PLLP: variants seen among roughly 807,000 people sequenced by gnomAD.
PLLP encodes the protein plasma membrane proteolipid (plasmolipin).
PLLP carries 15 observed loss-of-function variants against 19.7 expected under a neutral mutation model. That is an observed-to-expected ratio of 0.76 (90% CI 0.51 to 1.17). The LOEUF (loss-of-function observed/expected upper bound fraction) is 1.17. Among genes scored for constraint, PLLP ranks in the 50% most tolerant of loss-of-function variants. The pLI, the probability that PLLP is intolerant of heterozygous loss-of-function variation, is 0.00. For missense variants in PLLP, 255 were observed against 258.3 expected, an observed-to-expected ratio of 0.99 and a Z score of 0.09; for synonymous variants, 111 against 116.3, an observed-to-expected ratio of 0.95 and a Z score of 0.29.
At chr16:57,282,216 C>CT (rs1313530817) in intron 1 of PLLP, among the ~76,000 whole-genome samples, 1 of 133,822 alleles carries the variant, frequency 7.5e-6, no homozygotes, top group South Asian at 2.8e-4. Context: ...TAGTCTCTTT[C>CT]TTTTTTCTTT....
In PLLP at chr16:57,284,578, C is replaced by T; in HGVS notation, c.-38G>A. 3.0e-6 allele frequency: 4 copies of T among 1,318,830 alleles called. No individual in the cohort carries two copies. The highest frequency in any genetic ancestry group is 2.9e-6 in the Non-Finnish European group (3 of 1,028,676). The allele number at this position is 1,318,830 out of a possible 1,614,324, so 81.7% of individuals were successfully genotyped here. On this transcript the variant is annotated 5_prime_UTR_variant, in exon 1 of 4. Coordinates refer to ENST00000219207, the MANE Select transcript of PLLP (RefSeq NM_015993.3). ...TGCCTCCCGAGGTCGCTACGGCCGC[C>T]GTCGCCGCCCCTCCAGCGGTGGGTG...
At chr16:57,283,108 C>G (rs7197160) in intron 1 of PLLP, among the ~76,000 whole-genome samples, 6 of 152,038 alleles carry the variant, frequency 3.9e-5, no homozygotes, top group African/African-American at 1.4e-4. Context: ...CCCCACCCCC[C>G]AAAAGAGAAA....
intron 1 of PLLP, among the ~76,000 whole-genome samples, chr16:57,280,673 T>A (rs1478149211): frequency 6.6e-6 from 1 of 152,194 alleles, no homozygotes; most frequent in East Asian, 1.9e-4. Flanking sequence ...CAACAAATAA[T>A]CAACAGCCTT....
chr16:57,261,967 G>A lies in PLLP; in HGVS notation c.239C>T (p.Thr80Ile). The stretch of plus-strand genomic sequence containing the variant: ...CAGGTAGAGGTTGAAGAGGACGATT[G>A]TCACCAGCCAGAGGAAGACAGCGAC... Reference protein sequence around the residue: ...MFVAVFLWLVTIVLFNLYLFQ... With the variant: ...MFVAVFLWLVIIVLFNLYLFQ... Residue 80 changes from threonine (T) to isoleucine (I), a missense_variant, in exon 2 of 4, where the codon ACA becomes ATA. Transcript: ENST00000219207. 1 of 1,614,136 alleles carries A rather than the reference G, an allele frequency of 6.2e-7. No individual in the cohort carries two copies. The highest frequency in any genetic ancestry group is 8.5e-7 in the Non-Finnish European group (1 of 1,180,004).
chr16:57,284,560 C>A lies in PLLP; in HGVS notation c.-20G>T. 7.5e-7 allele frequency: 1 copy of A among 1,334,920 alleles called. No individual in the cohort carries two copies. The highest frequency in any genetic ancestry group is 9.7e-7 in the Non-Finnish European group (1 of 1,035,856). 82.7% of individuals were successfully genotyped at this position (1,334,920 alleles called of 1,614,324 possible). A position where few individuals can be genotyped will look rare whatever the true frequency, so the allele number is the denominator to read the frequency against. On this transcript the variant is annotated 5_prime_UTR_variant, in exon 1 of 4. Transcript: ENST00000219207. ...GGCCATGGCGGCTCCGCTTGCCTCC[C>A]GAGGTCGCTACGGCCGCCGTCGCCG...
chr16:57,279,182 A>C (rs1901188234), intron 1 of PLLP, among the ~76,000 whole-genome samples: 2 of 152,250 alleles, frequency 1.3e-5, no homozygotes, highest in South Asian at 4.1e-4. Flanking sequence ...ACCATCTGAC[A>C]GACAAGGAAG....
Position 57,261,868 on chromosome 16 carries a change from C to A in PLLP, c.309+29G>T. The A allele has an allele frequency of 1.9e-6, 3 of 1,607,218 alleles. 1 individual carries two copies. Among genetic ancestry groups the A allele is most frequent in the South Asian group, 2.2e-5 (2 of 90,880 alleles). ...GAAAGTCACAGTGGTCCTGTCATAG[C>A]CACTTCCAGTACCCCCACCCAGACT... On this transcript the variant is annotated intron_variant, in intron 2 of 3. Coordinates refer to ENST00000219207, the MANE Select transcript of PLLP (RefSeq NM_015993.3).
rs778008224 is a variant in PLLP, at chr16:57,258,571, T to C, written c.323A>G (p.Asn108Ser). ...GATGTAGAGAACGGTGGCGCTGATG[T>C]TAAAGATCATTAACTGCAGGACATG... Reference protein sequence around the residue: ...VPWPLVLMIFNISATVLYITA... With the variant: ...VPWPLVLMIFSISATVLYITA... Residue 108 changes from asparagine (N) to serine (S), a missense_variant, in exon 3 of 4, where the codon AAC (asparagine) becomes AGC (serine). Physicochemically the swap from Asn to Ser is conservative, Grantham distance 46 (BLOSUM62 1). Coordinates refer to ENST00000219207, the MANE Select transcript of PLLP (RefSeq NM_015993.3). 1 of 1,612,896 alleles carries C rather than the reference T, an allele frequency of 6.2e-7. No homozygotes were observed. The highest frequency in any genetic ancestry group is 8.5e-7 in the Non-Finnish European group (1 of 1,179,862).
At chr16:57,268,457 C>T (rs1187247990) in intron 1 of PLLP, among the ~76,000 whole-genome samples, 2 of 152,166 alleles carry the variant, frequency 1.3e-5, no homozygotes, top group African/African-American at 4.8e-5. Flanking sequence ...CATCTTCCTT[C>T]ATCTTTGAAA....
intron 1 of PLLP, among the ~76,000 whole-genome samples, chr16:57,274,672 C>T (rs186513609): frequency 1.3e-5 from 2 of 151,930 alleles, no homozygotes; most frequent in East Asian, 3.9e-4. Context: ...AGGCTGGTCT[C>T]GAGCTCCTGA....
chr16:57,284,535 G>T lies in PLLP; in HGVS notation c.6C>A (p.Ala2=). 1 of 1,366,428 alleles carries T rather than the reference G, an allele frequency of 7.3e-7. No individual in the cohort carries two copies. Among genetic ancestry groups the T allele is most frequent in the African/African-American group, 1.5e-5 (1 of 67,006 alleles). The allele number at this position is 1,366,428 out of a possible 1,614,324, so 84.6% of individuals were successfully genotyped here. Residue 2 remains alanine (A), a synonymous_variant, in exon 1 of 4, where the codon GCC becomes GCA. Coordinates refer to ENST00000219207, the MANE Select transcript of PLLP (RefSeq NM_015993.3). ...GCGTGCTAACTTTCGACGGGAACTC[G>T]GCCATGGCGGCTCCGCTTGCCTCCC... M[A]EFPSKVSTRT...
intron 3 of PLLP, among the ~76,000 whole-genome samples, chr16:57,257,407 C>T (rs1017357045): frequency 6.6e-6 from 1 of 152,252 alleles, no homozygotes; most frequent in Non-Finnish European, 1.5e-5. Context: ...CAGCCACATT[C>T]AGAAGCTCCC....
intron 1 of PLLP, among the ~76,000 whole-genome samples, chr16:57,265,542 T>C (rs2075454432): frequency 6.6e-6 from 1 of 152,220 alleles, no homozygotes. Context: ...TCCACTATCA[T>C]ATGCCTATCA....
chr16:57,272,507 G>T (rs1381316415), intron 1 of PLLP, among the ~76,000 whole-genome samples: 3 of 152,192 alleles, frequency 2.0e-5, no homozygotes, highest in Non-Finnish European at 4.4e-5. Flanking sequence ...TCAGTCCCGT[G>T]CACCCTGGCC....
Position 57,261,074 on chromosome 16 carries a change from G to A in PLLP, c.309+823C>T, listed in dbSNP as rs3794642. Among the ~76,000 whole-genome samples the A allele has an allele frequency of 7.6e-4, 114 of 150,196 alleles. 1 individual carries two copies. The East Asian group carries it at 0.021, about 28-fold the overall frequency. On this transcript the variant is annotated intron_variant, in intron 2 of 3. Coordinates refer to ENST00000219207, the MANE Select transcript of PLLP (RefSeq NM_015993.3). Reference sequence around the variant, plus strand: ...GTGATCTCGGCTCACTGCAATCTCCGCCTCCTGGGTTCAAGCAATTCTCCT... The same window carrying A: ...GTGATCTCGGCTCACTGCAATCTCCACCTCCTGGGTTCAAGCAATTCTCCT...
intron 1 of PLLP, among the ~76,000 whole-genome samples, chr16:57,282,605 A>G (rs1408013144): frequency 2.3e-4 from 35 of 151,972 alleles, no homozygotes; most frequent in Non-Finnish European, 5.0e-4. Flanking sequence ...CTTCTGTTCC[A>G]AAACCTCTTA....
rs760735400 is a variant in PLLP, at chr16:57,258,455, G to A, written c.432+7C>T. Reference sequence around the variant, plus strand: ...GACCACCAAGGGAGCCTGGGAAGCAGACTCACCGAGGCAGCCGCGCGCTGG... The same window carrying A: ...GACCACCAAGGGAGCCTGGGAAGCAAACTCACCGAGGCAGCCGCGCGCTGG... On this transcript the variant is annotated splice_region_variant and intron_variant, in intron 3 of 3. Transcript: ENST00000219207. The A allele has an allele frequency of 6.2e-7, 1 of 1,608,364 alleles. No individual in the cohort carries two copies. The highest frequency in any genetic ancestry group is 8.5e-7 in the Non-Finnish European group (1 of 1,179,674).
At chr16:57,262,741 G>A (rs912670910) in intron 1 of PLLP, among the ~76,000 whole-genome samples, 1 of 151,922 alleles carries the variant, frequency 6.6e-6, no homozygotes, top group African/African-American at 2.4e-5. Context: ...TCAAAAAATA[G>A]AAAAAAATTT....
intron 1 of PLLP, among the ~76,000 whole-genome samples, chr16:57,262,559 CAAAAATAAT>C (rs764581568): frequency 6.7e-6 from 1 of 149,118 alleles, no homozygotes; most frequent in Admixed American, 6.6e-5. Flanking sequence ...TCTCAAAAAG[CAAAAATAAT>C]AATAATAATA....
Sources: allele counts gnomAD v4.1 joint callset (sites outside exome capture counted in the v4.1 genomes callset), GRCh38; gene constraint gnomAD v4.1.1; transcripts MANE v1.5; gene names NCBI Gene and HGNC (gene_info 2026-07-23, HGNC 2026-07-21).